GBE1: variants seen among roughly 807,000 people sequenced by gnomAD.
The protein encoded by GBE1 is 1,4-alpha-glucan-branching enzyme.
GBE1 carries 70 observed loss-of-function variants against 88.8 expected under a neutral mutation model. That is an observed-to-expected ratio of 0.79 (90% confidence interval 0.65 to 0.96). GBE1 has a LOEUF of 0.96. GBE1 is among the 40% of genes least tolerant of loss of function. The pLI, the probability that GBE1 is intolerant of heterozygous loss-of-function variation, is 0.00. For synonymous variants in GBE1, 284 were observed against 300.1 expected (o/e 0.95, Z 0.56); for missense variants, 872 against 871.0 (o/e 1.00, Z -0.01).
At chr3:81,493,323 G>C (rs1350653498) in intron 15 of GBE1, among the ~76,000 whole-genome samples, 1 of 152,042 alleles carries the variant, frequency 6.6e-6, no homozygotes, top group Non-Finnish European at 1.5e-5. Context: ...ACAGGCCTAG[G>C]ATAAATAATG....
rs138102014 is a variant in GBE1 at position 81,506,382 on chromosome 3, T to C, written c.1935-7155A>G. On this transcript the variant is annotated intron_variant, in intron 14 of 15. Transcript: ENST00000429644. ...CATCTCACACCAGGCAGAAGGGCTA[T>C]TATTAAAAAGTCAAAAAATAACAGA... Among the ~76,000 whole-genome samples, 341 of 152,210 alleles carry C rather than the reference T, an allele frequency of 2.2e-3. 2 individuals are homozygous for C. Among genetic ancestry groups the C allele is most frequent in the Middle Eastern group, 0.01 (3 of 294 alleles).
At chr3:81,504,955 C>T (rs891536957) in intron 14 of GBE1, among the ~76,000 whole-genome samples, 1 of 152,090 alleles carries the variant, frequency 6.6e-6, no homozygotes, top group Admixed American at 6.6e-5. Context: ...AATTGAGTGA[C>T]AAAAAGAAGA....
At chr3:81,563,157 A>G (rs950324612) in intron 12 of GBE1, among the ~76,000 whole-genome samples, 26 of 152,120 alleles carry the variant, frequency 1.7e-4, no homozygotes, top group Admixed American at 1.7e-3. Flanking sequence ...TCCGGTATTC[A>G]GTCTTTGAGC....
At chr3:81,612,370 A>T in intron 7 of GBE1, 1 of 791,026 alleles carries the variant, frequency 1.3e-6, no homozygotes, top group Non-Finnish European at 2.2e-6. Flanking sequence ...AAGATGGATC[A>T]CCACGCTCAT....
At position 81,591,510 on chromosome 3, in the gene GBE1, G is replaced by T. The variant is rs372561440; in HGVS notation, c.1109-346C>A. On this transcript the variant is annotated intron_variant, in intron 8 of 15. Transcript: ENST00000429644. ...GTCAATACATTTTCTGTCACATTAA[G>T]ATGTTAATGTTAGTTTGTATTAGAT... Among the ~76,000 whole-genome samples the T allele has an allele frequency of 7.9e-5, 12 of 152,182 alleles. No individual in the cohort carries two copies. In the East Asian group the frequency reaches 2.1e-3, roughly 27 times the overall value.
chr3:81,756,653 G>A (rs955226092), intron 1 of GBE1, among the ~76,000 whole-genome samples: 3 of 152,172 alleles, frequency 2.0e-5, no homozygotes, highest in African/African-American at 7.2e-5. Flanking sequence ...AACCAGCCCA[G>A]AAGAAGCTTT....
rs763962659 is a variant in GBE1, at chr3:81,577,921, T to C, written c.1618+4A>G. 1.3e-6 allele frequency: 2 copies of C among 1,590,444 alleles called. No homozygotes were observed. Among genetic ancestry groups the C allele is most frequent in the East Asian group, 4.6e-5 (2 of 43,760 alleles). On this transcript the variant is annotated splice_donor_region_variant and intron_variant, in intron 12 of 15. Coordinates refer to ENST00000429644, the MANE Select transcript of GBE1 (RefSeq NM_000158.4). ...AATTGCATATGTGTTTAACTCACAC[T>C]TACCCATGAAATTGAGATAGCCTTC...
At chr3:81,637,871 T>C (rs114213853) in intron 7 of GBE1, among the ~76,000 whole-genome samples, 2,276 of 152,220 alleles carry the variant, frequency 0.015, 73 homozygotes, top group African/African-American at 0.052. Flanking sequence ...TAAGCTAAAA[T>C]TTTGTTTAGA....
intron 12 of GBE1, among the ~76,000 whole-genome samples, chr3:81,555,814 G>A (rs927408161): frequency 2.0e-5 from 3 of 152,132 alleles, no homozygotes; most frequent in South Asian, 2.1e-4. Context: ...CCTTCAGTCA[G>A]AAAAGCATAA....
At position 81,593,944 on chromosome 3, in the gene GBE1, C is replaced by A; in HGVS notation, c.1072G>T (p.Gly358Cys). The change falls in exon 8 of 16, where the codon GGT becomes TGT. Residue 358 changes from glycine (G) to cysteine (C), a missense_variant. By Grantham distance (159) the Gly-to-Cys change is radical (BLOSUM62 -3). Coordinates refer to ENST00000429644, the MANE Select transcript of GBE1 (RefSeq NM_000158.4). ...TGATGATAAAGCATGGACGTAACAC[C>A]ATCAAAACGAAATCCATCAAAGCGA... ...EYRFDGFRFDGVTSMLYHHHG... is the reference protein window; with the variant it reads ...EYRFDGFRFDCVTSMLYHHHG... The A allele has an allele frequency of 6.3e-7, 1 of 1,582,596 alleles. No homozygotes were observed. Among genetic ancestry groups the A allele is most frequent in the East Asian group, 2.3e-5 (1 of 43,748 alleles).
chr3:81,698,998 T>C (rs1705645051), intron 2 of GBE1, among the ~76,000 whole-genome samples: 2 of 151,304 alleles, frequency 1.3e-5, no homozygotes, highest in South Asian at 2.1e-4. Flanking sequence ...ATGCTTACTT[T>C]AGGTTCACAT....
chr3:81,569,420 C>T (rs1703541648), intron 12 of GBE1, among the ~76,000 whole-genome samples: 2 of 152,142 alleles, frequency 1.3e-5, no homozygotes, highest in South Asian at 4.1e-4. Context: ...TGTTGTTCTG[C>T]CATTTACATG....
chr3:81,721,641 A>T (rs1316899893), intron 1 of GBE1, among the ~76,000 whole-genome samples: 1 of 152,198 alleles, frequency 6.6e-6, no homozygotes, highest in Non-Finnish European at 1.5e-5. Flanking sequence ...TTTCCCTACC[A>T]GATTATAGGT....
intron 7 of GBE1, among the ~76,000 whole-genome samples, chr3:81,628,017 A>G (rs1704443367): frequency 6.6e-6 from 1 of 151,950 alleles, no homozygotes; most frequent in Non-Finnish European, 1.5e-5. Context: ...GGCACCCTTT[A>G]AATTAGTATT....
At chr3:81,669,343 C>T (rs1436455792) in intron 3 of GBE1, among the ~76,000 whole-genome samples, 2 of 152,088 alleles carry the variant, frequency 1.3e-5, no homozygotes, top group Non-Finnish European at 2.9e-5. Context: ...ATTCCTGCAA[C>T]ACTTTTTAAA....
At chr3:81,626,568 G>A (rs576880820) in intron 7 of GBE1, among the ~76,000 whole-genome samples, 83 of 152,090 alleles carry the variant, frequency 5.5e-4, no homozygotes, top group African/African-American at 1.9e-3. Context: ...AAAATAAACA[G>A]GAGATGGATA....
At chr3:81,582,747 CA>C (rs1227579447) in intron 10 of GBE1, among the ~76,000 whole-genome samples, 2 of 151,868 alleles carry the variant, frequency 1.3e-5, no homozygotes, top group Non-Finnish European at 2.9e-5. Flanking sequence ...GAACTTAACT[CA>C]AAATGGATCA....
In GBE1 at chr3:81,631,966, A is replaced by AC. The variant is rs1207444679; in HGVS notation, c.992+10814dup. ...AATGCTATCCCTCCCCTTGTCTCCC[A>AC]CCCCCCAATAGGCCCTGGTGTGTGA... On this transcript the variant is annotated intron_variant, in intron 7 of 15. Coordinates refer to ENST00000429644, the MANE Select transcript of GBE1 (RefSeq NM_000158.4). Among the ~76,000 whole-genome samples the AC allele has an allele frequency of 4.7e-5, 7 of 150,524 alleles. No individual in the cohort carries two copies. The East Asian group carries it at 7.8e-4, about 17-fold the overall frequency.
intron 1 of GBE1, among the ~76,000 whole-genome samples, chr3:81,750,539 G>GTATATATATATATGTA (rs71108342): frequency 6.0e-5 from 4 of 66,400 alleles, no homozygotes; most frequent in East Asian, 6.0e-4. Context: ...ATATATATAC[G>GTATATATATATATGTA]TATATATATA....
Sources: gnomAD v4.1 joint callset for allele counts (sites outside exome capture counted in the v4.1 genomes callset) on GRCh38, gnomAD v4.1.1 for gene constraint, MANE v1.5 for transcripts, NCBI Gene and HGNC (gene_info 2026-07-23, HGNC 2026-07-21) for gene names.